The following MSRA variants were observed in gnomAD, a reference collection of about 807,000 sequenced individuals.
The protein encoded by MSRA is methionine sulfoxide reductase A, also known as mitochondrial peptide methionine sulfoxide reductase.
In MSRA, 54 loss-of-function variants were observed where a neutral mutation model predicts 31.3. The ratio of observed to expected loss-of-function variants is 1.73; its 90% CI spans 1.39 to 2.17. MSRA has a LOEUF of 2.17. Among genes scored for constraint, MSRA ranks in the 30% most tolerant of loss-of-function variants. The probability of loss-of-function intolerance (pLI) is 0.00; values close to 1 mark genes in which losing one functional copy is unlikely to be tolerated. For synonymous variants in MSRA, 169 were observed against 116.5 expected (o/e 1.45, Z -2.90); for missense variants, 507 against 300.9 (o/e 1.69, Z -5.07).
intron 5 of MSRA, among the ~76,000 whole-genome samples, chr8:10,407,285 C>A (rs139108225): frequency 1.3e-5 from 2 of 152,188 alleles, no homozygotes; most frequent in African/African-American, 4.8e-5. Context: ...ATCAGACTTT[C>A]ATCAGCTCCC....
chr8:10,143,801 C>A (rs1802907538), intron 1 of MSRA, among the ~76,000 whole-genome samples: 1 of 152,212 alleles, frequency 6.6e-6, no homozygotes, highest in Admixed American at 6.5e-5. Flanking sequence ...AGATACATAT[C>A]CAGACAAAAA....
chr8:10,193,761 A>G lies in MSRA; in HGVS notation c.143-14072A>G, dbSNP rs1417965079. On this transcript the variant is annotated intron_variant, in intron 1 of 5. Coordinates refer to ENST00000317173, the MANE Select transcript of MSRA (RefSeq NM_012331.5). ...AATATGAATATGCGCTGGGTTATCC[A>G]ACTTCCCTTAATTAGCCATGGGACC... 2.0e-5 allele frequency among the ~76,000 whole-genome samples: 3 copies of G among 152,336 alleles called. No homozygotes were observed. In the East Asian group the frequency reaches 5.8e-4, roughly 29 times the overall value.
At chr8:10,117,040 T>A (rs2129016190) in intron 1 of MSRA, among the ~76,000 whole-genome samples, 1 of 152,252 alleles carries the variant, frequency 6.6e-6, no homozygotes, top group East Asian at 1.9e-4. Context: ...TATGGAATAA[T>A]GTGAAGGGAG....
At chr8:10,175,905 C>T (rs932747415) in intron 1 of MSRA, among the ~76,000 whole-genome samples, 2 of 151,934 alleles carry the variant, frequency 1.3e-5, no homozygotes, top group Non-Finnish European at 2.9e-5. Flanking sequence ...TCATTCCTTA[C>T]AATAGATGTA....
chr8:10,325,317 A>G lies in MSRA; in HGVS notation c.543+5328A>G, dbSNP rs1802299044. Among the ~76,000 whole-genome samples the G allele has an allele frequency of 1.3e-5, 2 of 152,078 alleles. 1 individual carries two copies. Among genetic ancestry groups the G allele is most frequent in the Non-Finnish European group, 2.9e-5 (2 of 68,022 alleles). ...ATATGTACTTTTATATAGGTTATAT[A>G]CCATAATTATGTATAATACGTATAT... On this transcript the variant is annotated intron_variant, in intron 5 of 5. Coordinates refer to ENST00000317173, the MANE Select transcript of MSRA (RefSeq NM_012331.5).
intron 1 of MSRA, among the ~76,000 whole-genome samples, chr8:10,062,054 G>A (rs949824020): frequency 6.6e-6 from 1 of 152,208 alleles, no homozygotes; most frequent in Non-Finnish European, 1.5e-5. Context: ...GCCTGGCTGG[G>A]GGAGGAGACA....
intron 1 of MSRA, among the ~76,000 whole-genome samples, chr8:10,147,144 T>G (rs1220705205): frequency 1.3e-5 from 2 of 152,134 alleles, no homozygotes; most frequent in East Asian, 3.9e-4. Flanking sequence ...GCTGTCTGGA[T>G]GTGGCACGAG....
At chr8:10,068,369 G>A (rs926971126) in intron 1 of MSRA, among the ~76,000 whole-genome samples, 12 of 152,040 alleles carry the variant, frequency 7.9e-5, no homozygotes, top group East Asian at 1.9e-4. Context: ...TGTGCCTTTC[G>A]TGTATCTAAA....
At chr8:10,187,308 GA>G (rs1283499880) in intron 1 of MSRA, among the ~76,000 whole-genome samples, 1 of 152,162 alleles carries the variant, frequency 6.6e-6, no homozygotes, top group Non-Finnish European at 1.5e-5. Flanking sequence ...ATGTGTCCTG[GA>G]GTAAAAATTT....
chr8:10,301,831 C>T (rs1181861910), intron 4 of MSRA, among the ~76,000 whole-genome samples, 193 bp downstream of exon 4: 3 of 152,146 alleles, frequency 2.0e-5, no homozygotes, highest in African/African-American at 4.8e-5. Context: ...CAGCCACATT[C>T]GGCGCCCCTG....
chr8:10,180,431 C>T (rs898337393), intron 1 of MSRA, among the ~76,000 whole-genome samples: 2 of 152,084 alleles, frequency 1.3e-5, no homozygotes, highest in Non-Finnish European at 2.9e-5. Flanking sequence ...ATGGAGGCTT[C>T]ATTATGTAGG....
chr8:10,056,396 T>G (rs1802373574), intron 1 of MSRA, among the ~76,000 whole-genome samples: 2 of 152,172 alleles, frequency 1.3e-5, no homozygotes, highest in South Asian at 4.1e-4. Context: ...CAACAATTTT[T>G]TTCTTATCCC....
chr8:10,279,875 ATAT>A (rs1404059381), intron 3 of MSRA, among the ~76,000 whole-genome samples: 3 of 152,212 alleles, frequency 2.0e-5, no homozygotes, highest in Admixed American at 6.5e-5. Context: ...GCTATTTCAA[ATAT>A]CTATGACTCA....
intron 1 of MSRA, among the ~76,000 whole-genome samples, chr8:10,120,056 T>G (rs1206922654): frequency 6.6e-6 from 1 of 150,426 alleles, no homozygotes; most frequent in African/African-American, 2.5e-5. Flanking sequence ...ACTGCCAAAC[T>G]GTGGAAAGAG....
chr8:10,107,583 A>G (rs1012095860), intron 1 of MSRA, among the ~76,000 whole-genome samples: 3 of 152,158 alleles, frequency 2.0e-5, no homozygotes, highest in African/African-American at 4.8e-5. Flanking sequence ...TTGTTTAGCT[A>G]TTTCTGTATG....
intron 3 of MSRA, among the ~76,000 whole-genome samples, chr8:10,290,418 C>T (rs1173271054): frequency 6.6e-6 from 1 of 152,004 alleles, no homozygotes; most frequent in African/African-American, 2.4e-5. Context: ...TTTCAGGTCC[C>T]TTACAATTCT....
intron 2 of MSRA, among the ~76,000 whole-genome samples, chr8:10,231,191 G>C (rs1188494955): frequency 1.3e-5 from 2 of 151,890 alleles, no homozygotes; most frequent in Admixed American, 1.3e-4. Context: ...GAGGCGGGCG[G>C]ACAGGGAGGA....
chr8:10,315,737 C>A (rs940703800), intron 4 of MSRA, among the ~76,000 whole-genome samples: 2 of 152,250 alleles, frequency 1.3e-5, no homozygotes, highest in African/African-American at 4.8e-5. Context: ...TTTGGACTTG[C>A]AATGATGACC....
chr8:10,327,646 C>G (rs184710515), intron 5 of MSRA, among the ~76,000 whole-genome samples: 2 of 152,126 alleles, frequency 1.3e-5, no homozygotes, highest in South Asian at 2.1e-4. Flanking sequence ...ACCAAATAAC[C>G]TACTTGGCTG....
Sources: allele counts gnomAD v4.1 joint callset (sites outside exome capture counted in the v4.1 genomes callset), GRCh38; gene constraint gnomAD v4.1.1; transcripts MANE v1.5; gene names NCBI Gene and HGNC (gene_info 2026-07-23, HGNC 2026-07-21).